Variants in AUTS2 observed in about 807,000 individuals in gnomAD.
AUTS2 encodes activator of transcription and developmental regulator AUTS2.
A neutral mutation model predicts 112.4 loss-of-function variants in AUTS2; 17 were observed. That is an observed-to-expected ratio of 0.15 (90% CI 0.10 to 0.23). AUTS2 has a LOEUF of 0.23. AUTS2 is among the 10% of genes least tolerant of loss of function. The pLI, the probability that AUTS2 is intolerant of heterozygous loss-of-function variation, is 1.00. For synonymous variants in AUTS2, 751 were observed against 702.7 expected, an observed-to-expected ratio of 1.07 and a Z score of -1.09; for missense variants, 1,510 against 1,701.6, an observed-to-expected ratio of 0.89 and a Z score of 1.98.
In AUTS2 at chr7:70,793,157, T is replaced by C. The variant is rs1459228136; in HGVS notation, c.*2161T>C. ...ATACTGTAAAAGGTACTTCTGGATTTTGTAGACGTGTGTACAGTGTGGGCC... is the reference window on the plus strand; with the variant it reads ...ATACTGTAAAAGGTACTTCTGGATTCTGTAGACGTGTGTACAGTGTGGGCC... On this transcript the variant is annotated 3_prime_UTR_variant, in exon 19 of 19. Transcript: ENST00000342771. The C allele has an allele frequency of 6.6e-6, 1 of 152,210 alleles. No individual in the cohort carries two copies. The highest frequency in any genetic ancestry group is 6.5e-5 in the Admixed American group (1 of 15,286). 9.4% of individuals were successfully genotyped at this position (152,210 alleles called of 1,614,324 possible).
At chr7:69,749,421 T>C (rs1356546726) in intron 1 of AUTS2, among the ~76,000 whole-genome samples, 2 of 152,208 alleles carry the variant, frequency 1.3e-5, no homozygotes, top group Non-Finnish European at 2.9e-5. Flanking sequence ...TCCCTCATCC[T>C]CTTCCTCATC....
At chr7:70,646,885 C>T (rs1806198554) in intron 5 of AUTS2, among the ~76,000 whole-genome samples, 1 of 152,210 alleles carries the variant, frequency 6.6e-6, no homozygotes, top group African/African-American at 2.4e-5. Flanking sequence ...GAGGGCCTTG[C>T]CAGTTCCCTA....
intron 1 of AUTS2, among the ~76,000 whole-genome samples, chr7:69,785,242 G>A (rs937523367): frequency 1.1e-4 from 16 of 152,158 alleles, no homozygotes; most frequent in African/African-American, 3.6e-4. Flanking sequence ...GAAGTTTTGA[G>A]GGTTTTCCAA....
chr7:70,068,317 A>G (rs1802591339), intron 2 of AUTS2, among the ~76,000 whole-genome samples: 1 of 151,586 alleles, frequency 6.6e-6, no homozygotes, highest in African/African-American at 2.4e-5. Context: ...AGCTGAGACT[A>G]CAGGCACCTG....
chr7:70,136,540 A>C (rs1806571595), intron 4 of AUTS2, among the ~76,000 whole-genome samples: 1 of 152,216 alleles, frequency 6.6e-6, no homozygotes, highest in Admixed American at 6.6e-5. Flanking sequence ...AGTGGAAATG[A>C]TATGGGCACA....
At chr7:69,719,139 G>T (rs1278873021) in intron 1 of AUTS2, among the ~76,000 whole-genome samples, 1 of 152,124 alleles carries the variant, frequency 6.6e-6, no homozygotes, top group Non-Finnish European at 1.5e-5. Flanking sequence ...CTTTAATTTA[G>T]GGGAAAATAT....
At chr7:70,486,502 G>A (rs1308817945) in intron 5 of AUTS2, among the ~76,000 whole-genome samples, 3 of 152,190 alleles carry the variant, frequency 2.0e-5, no homozygotes, top group Non-Finnish European at 4.4e-5. Flanking sequence ...TTTGGGGGCT[G>A]AGGCGGGAGG....
At chr7:69,657,376 T>A (rs979311918) in intron 1 of AUTS2, among the ~76,000 whole-genome samples, 3 of 152,320 alleles carry the variant, frequency 2.0e-5, no homozygotes, top group Middle Eastern at 3.4e-3. Context: ...GGAAAAAACC[T>A]GTTTGATTTT....
chr7:70,237,411 C>G (rs1367720486), intron 4 of AUTS2, among the ~76,000 whole-genome samples: 2 of 152,174 alleles, frequency 1.3e-5, no homozygotes, highest in African/African-American at 4.8e-5. Context: ...GGCCGCAGTT[C>G]CACCACTGAG....
At chr7:70,398,570 G>T (rs963204290) in intron 4 of AUTS2, among the ~76,000 whole-genome samples, 1 of 152,002 alleles carries the variant, frequency 6.6e-6, no homozygotes, top group East Asian at 1.9e-4. Flanking sequence ...GTATATTGAT[G>T]TTATATTAAA....
rs1352190442 is a variant in AUTS2 at position 70,694,224 on chromosome 7, C to G, written c.691-4345C>G. 1 of 149,628 alleles carries G rather than the reference C, an allele frequency of 6.7e-6. No individual in the cohort carries two copies. The highest frequency in any genetic ancestry group is 1.5e-5 in the Non-Finnish European group (1 of 66,888). 9.3% of individuals were successfully genotyped at this position (149,628 alleles called of 1,614,324 possible). A position where few individuals can be genotyped will look rare whatever the true frequency, so the allele number is the denominator to read the frequency against. On this transcript the variant is annotated intron_variant, in intron 5 of 18. Transcript: ENST00000342771. This position sits in a 1 kb window ranked among gnomAD's most constrained non-coding sequence, Gnocchi z 4.1. ...AACCGGCGGGAGAGGCAGGCGCCCG[C>G]AAGCCGAGCGCGGGCCGGAGCCCAG...
At chr7:70,605,746 C>T (rs186149206) in intron 5 of AUTS2, among the ~76,000 whole-genome samples, 9 of 152,004 alleles carry the variant, frequency 5.9e-5, no homozygotes, top group Admixed American at 6.5e-5. Flanking sequence ...ATTGTATTAG[C>T]GAATCACAGA....
At chr7:70,216,899 C>T (rs1021038177) in intron 4 of AUTS2, among the ~76,000 whole-genome samples, 2 of 152,116 alleles carry the variant, frequency 1.3e-5, no homozygotes, top group African/African-American at 4.8e-5. Context: ...CATTGGTTTC[C>T]TCATCTTTAT....
At chr7:70,253,254 G>GA (rs1281078197) in intron 4 of AUTS2, among the ~76,000 whole-genome samples, 1 of 152,026 alleles carries the variant, frequency 6.6e-6, no homozygotes, top group East Asian at 1.9e-4. Context: ...TCCTGGAATG[G>GA]AAAAAAGAAA....
intron 2 of AUTS2, among the ~76,000 whole-genome samples, chr7:70,007,123 G>C (rs1392380106): frequency 1.3e-5 from 2 of 152,108 alleles, no homozygotes; most frequent in Non-Finnish European, 2.9e-5. Context: ...CAGGAACTTA[G>C]AAGTTAATGC....
intron 1 of AUTS2, among the ~76,000 whole-genome samples, chr7:69,835,206 C>T (rs570300655): frequency 6.6e-6 from 1 of 151,874 alleles, no homozygotes; most frequent in Admixed American, 6.6e-5. Flanking sequence ...TGCTGGAGAT[C>T]AAGACACAAA....
chr7:70,406,663 A>G (rs547795498), intron 4 of AUTS2, among the ~76,000 whole-genome samples: 1 of 152,332 alleles, frequency 6.6e-6, no homozygotes, highest in Admixed American at 6.5e-5. Flanking sequence ...ATCTGTATCA[A>G]TTGGAAATCA....
chr7:70,721,284 G>GTA (rs1157741354), intron 6 of AUTS2, among the ~76,000 whole-genome samples: 1 of 146,208 alleles, frequency 6.8e-6, no homozygotes, highest in African/African-American at 2.5e-5. Flanking sequence ...TCATTCGTGT[G>GTA]TGTGTGTGTG....
chr7:70,349,362 G>T (rs1457316121), intron 4 of AUTS2, among the ~76,000 whole-genome samples: 1 of 152,188 alleles, frequency 6.6e-6, no homozygotes, highest in Non-Finnish European at 1.5e-5. Context: ...AGGATTTAGA[G>T]ATTGAGAGTT....
Sources: gnomAD v4.1 joint callset for allele counts (sites outside exome capture counted in the v4.1 genomes callset) on GRCh38, gnomAD v4.1.1 for gene constraint, Gnocchi (gnomAD v3.1) non-coding constraint, MANE v1.5 for transcripts, NCBI Gene and HGNC (gene_info 2026-07-23, HGNC 2026-07-21) for gene names.